Variants in DYSF observed in about 807,000 individuals in gnomAD.
DYSF encodes dystrophy-associated fer-1-like 1.
A neutral mutation model predicts 274.9 loss-of-function variants in DYSF; 212 were observed. That is an observed-to-expected ratio of 0.77 (90% CI 0.69 to 0.86). The LOEUF (loss-of-function observed/expected upper bound fraction) is 0.86. DYSF is among the 40% of genes least tolerant of loss of function. The pLI is 0.00. For synonymous variants in DYSF, 1,091 were observed against 1,078.7 expected, an observed-to-expected ratio of 1.01 and a Z score of -0.22; for missense variants, 2,666 against 2,783.2, an observed-to-expected ratio of 0.96 and a Z score of 0.95.
At chr2:71,489,890 G>A (rs1027700624) in intron 3 of DYSF, among the ~76,000 whole-genome samples, 5 of 152,160 alleles carry the variant, frequency 3.3e-5, no homozygotes, top group East Asian at 1.9e-4. Flanking sequence ...CTCTGAAACC[G>A]TTTCCTCATC....
At position 71,647,308 on chromosome 2, in the gene DYSF, C is replaced by T. The variant is rs561293000; in HGVS notation, c.4626+3245C>T. On this transcript the variant is annotated intron_variant, in intron 42 of 55. Coordinates refer to ENST00000410020, the MANE Select transcript of DYSF (RefSeq NM_001130987.2). ...GAATACATTTTTTCCTGATGCTCAGCGAATACTTACAAAATTTGATCACAT... is the reference window on the plus strand; with the variant it reads ...GAATACATTTTTTCCTGATGCTCAGTGAATACTTACAAAATTTGATCACAT... Among the ~76,000 whole-genome samples, 12 of 152,074 alleles carry T rather than the reference C, an allele frequency of 7.9e-5. No individual in the cohort carries two copies. In the East Asian group the frequency reaches 1.2e-3, roughly 15 times the overall value.
Sources: gnomAD v4.1 joint callset for allele counts (sites outside exome capture counted in the v4.1 genomes callset) on GRCh38, gnomAD v4.1.1 for gene constraint, MANE v1.5 for transcripts, NCBI Gene and HGNC (gene_info 2026-07-23, HGNC 2026-07-21) for gene names.